The following MGAT4C variants were observed in gnomAD, a reference collection of about 807,000 sequenced individuals.
MGAT4C encodes the protein alpha-1,3-mannosyl-glycoprotein 4-beta-N-acetylglucosaminyltransferase C.
In MGAT4C, 19 loss-of-function variants were observed where a neutral mutation model predicts 40.1. That is an observed-to-expected ratio of 0.47 (90% CI 0.33 to 0.70). The LOEUF is 0.70. MGAT4C is among the 30% of genes least tolerant of loss of function. The probability of loss-of-function intolerance (pLI) is 0.02; values close to 1 mark genes in which losing one functional copy is unlikely to be tolerated. For missense variants in MGAT4C, 491 were observed against 563.2 expected, an observed-to-expected ratio of 0.87 and a Z score of 1.30; for synonymous variants, 181 against 187.1, an observed-to-expected ratio of 0.97 and a Z score of 0.27.
chr12:86,644,867 A>G (rs1169855235), intron 2 of MGAT4C, among the ~76,000 whole-genome samples: 1 of 151,760 alleles, frequency 6.6e-6, no homozygotes, highest in African/African-American at 2.4e-5. Flanking sequence ...TAGGAAGACA[A>G]GAGCATTTAT....
Position 85,979,325 on chromosome 12 carries a change from C to T in MGAT4C, c.1401G>A (p.Trp467Ter). 6.2e-7 allele frequency: 1 copy of T among 1,607,396 alleles called. No individual in the cohort carries two copies. Among genetic ancestry groups the T allele is most frequent in the Admixed American group, 1.7e-5 (1 of 59,446 alleles). ...AAATGCTAATACTCCTAATAATTAG[C>T]CATTCCTTTTGTGTTTTGGTGACAT... is the stretch of plus-strand genomic sequence containing the variant. Reference protein sequence around the residue: ...RIYVTKTQKEWLIIRSISIWT... With the variant: ...RIYVTKTQKE Residue 467 changes from tryptophan to a stop codon, truncating the protein, a stop_gained, in exon 5 of 5, where the codon TGG becomes TGA. Transcript: ENST00000611864. LOFTEE classifies it high-confidence loss of function.
Position 85,979,684 on chromosome 12 carries a change from T to G in MGAT4C, c.1042A>C (p.Asn348His). The G allele has an allele frequency of 8.1e-6, 13 of 1,613,448 alleles. No homozygotes were observed. The highest frequency in any genetic ancestry group is 1.0e-5 in the Non-Finnish European group (12 of 1,179,800). Residue 348 changes from asparagine (N) to histidine (H), a missense_variant, in exon 5 of 5, where the codon AAC becomes CAC. Coordinates refer to ENST00000611864, the MANE Select transcript of MGAT4C (RefSeq NM_001351288.2). Reference sequence around the variant, plus strand: ...TCATAATTTTCAAACACATTCATGTTGGTGTACAGACTTGCAGGGGGGTTA... The same window carrying G: ...TCATAATTTTCAAACACATTCATGTGGGTGTACAGACTTGCAGGGGGGTTA... Reference protein sequence around the residue: ...PDNPPASLYTNMNVFENYEAS... With the variant: ...PDNPPASLYTHMNVFENYEAS...
At chr12:86,206,371 C>T (rs981224898) in intron 1 of MGAT4C, among the ~76,000 whole-genome samples, 7 of 152,086 alleles carry the variant, frequency 4.6e-5, no homozygotes, top group Admixed American at 2.6e-4. Context: ...CATTTTTGAA[C>T]CAAAGTTTGT....
At chr12:86,285,675 T>C (rs1054217412) in intron 4 of MGAT4C, among the ~76,000 whole-genome samples, 1 of 72,840 alleles carries the variant, frequency 1.4e-5, no homozygotes, top group Non-Finnish European at 2.7e-5. Flanking sequence ...CTCAAAAGTC[T>C]CAAAAATATA....
At chr12:86,829,764 T>C (rs1346545403) in intron 1 of MGAT4C, among the ~76,000 whole-genome samples, 3 of 151,012 alleles carry the variant, frequency 2.0e-5, no homozygotes, top group Non-Finnish European at 4.4e-5. Context: ...CATTTTCTTT[T>C]CTGACTTGTC....
chr12:86,583,127 A>G (rs542406381), intron 2 of MGAT4C, among the ~76,000 whole-genome samples: 7 of 151,214 alleles, frequency 4.6e-5, no homozygotes, highest in Non-Finnish European at 7.4e-5. Context: ...AAATCAGAAT[A>G]TTTTCTCTGA....
At chr12:86,738,881 A>AT (rs953143479) in intron 1 of MGAT4C, among the ~76,000 whole-genome samples, 5 of 150,882 alleles carry the variant, frequency 3.3e-5, no homozygotes, top group Admixed American at 6.6e-5. Context: ...GCCCGTTTAT[A>AT]TTTTTTTATG....
At chr12:86,453,364 C>A (rs1381263768) in intron 2 of MGAT4C, among the ~76,000 whole-genome samples, 2 of 152,070 alleles carry the variant, frequency 1.3e-5, no homozygotes, top group African/African-American at 2.4e-5. Flanking sequence ...AACCATATTT[C>A]TATAAATATT....
intron 1 of MGAT4C, among the ~76,000 whole-genome samples, chr12:86,837,132 C>CA (rs1354984764): frequency 6.6e-6 from 1 of 152,050 alleles, no homozygotes; most frequent in Admixed American, 6.6e-5. Context: ...GGAGCAATCT[C>CA]ACTTTTTTAA....
intron 2 of MGAT4C, among the ~76,000 whole-genome samples, chr12:86,680,094 T>C (rs994331482): frequency 4.6e-5 from 7 of 152,112 alleles, no homozygotes; most frequent in Admixed American, 3.9e-4. Context: ...TCCTAAAACA[T>C]AGTCTCCAAT....
At chr12:86,224,867 TACA>T (rs1165284767) in intron 1 of MGAT4C, among the ~76,000 whole-genome samples, 4 of 151,966 alleles carry the variant, frequency 2.6e-5, no homozygotes, top group Admixed American at 6.6e-5. Context: ...TCTAACTTTG[TACA>T]TTAAGGAACT....
chr12:86,710,499 C>T (rs548390922), intron 2 of MGAT4C, among the ~76,000 whole-genome samples: 15 of 152,112 alleles, frequency 9.9e-5, no homozygotes, highest in Non-Finnish European at 1.8e-4. Flanking sequence ...TTAATTATGG[C>T]CATTCTTCAA....
At chr12:86,164,099 G>C (rs1885917048) in intron 1 of MGAT4C, among the ~76,000 whole-genome samples, 1 of 152,120 alleles carries the variant, frequency 6.6e-6, no homozygotes, top group Non-Finnish European at 1.5e-5. Context: ...ATATAAGAAT[G>C]TCAGATGCCT....
chr12:86,319,293 G>A lies in MGAT4C; in HGVS notation c.-57+14772C>T, dbSNP rs750677844. On this transcript the variant is annotated intron_variant, in intron 4 of 7. Transcript: ENST00000548651. ...TCTAAAGATTTAACACATTTAGCACGAAATATAAGGCTCTTCATGATGTGA... is the reference window on the plus strand; with the variant it reads ...TCTAAAGATTTAACACATTTAGCACAAAATATAAGGCTCTTCATGATGTGA... 3.3e-5 allele frequency among the ~76,000 whole-genome samples: 5 copies of A among 152,050 alleles called. No homozygotes were observed. The South Asian group carries it at 6.2e-4, about 19-fold the overall frequency.
intron 4 of MGAT4C, among the ~76,000 whole-genome samples, chr12:86,305,971 T>C (rs1006409284): frequency 1.3e-5 from 2 of 150,588 alleles, no homozygotes; most frequent in African/African-American, 5.0e-5. Context: ...GAAATTGTTT[T>C]ACTTTCAGAT....
At chr12:86,383,339 G>A (rs1955983558) in intron 3 of MGAT4C, among the ~76,000 whole-genome samples, 1 of 151,972 alleles carries the variant, frequency 6.6e-6, no homozygotes, top group South Asian at 2.1e-4. Flanking sequence ...ATCACCTGAG[G>A]TCAAGAGATC....
intron 4 of MGAT4C, among the ~76,000 whole-genome samples, chr12:86,307,812 C>A (rs1953976514): frequency 3.3e-5 from 5 of 150,184 alleles, no homozygotes; most frequent in Admixed American, 3.3e-4. Context: ...ACGCCATTCT[C>A]CTGCCTCAGC....
rs1883028389 is a variant in MGAT4C at position 85,960,045 on chromosome 12, A to G, written c.*19244T>C. The G allele has an allele frequency of 6.6e-6, 1 of 151,962 alleles. No homozygotes were observed. 9.4% of individuals were successfully genotyped at this position (151,962 alleles called of 1,614,324 possible). On this transcript the variant is annotated 3_prime_UTR_variant, in exon 5 of 5. Transcript: ENST00000611864. ...AAAATGCAATTCGGTATTAAAGAAA[A>G]TTGTTGCACGGACTACATTGATTAG...
intron 3 of MGAT4C, among the ~76,000 whole-genome samples, chr12:86,342,848 A>G (rs1052979627): frequency 2.4e-4 from 37 of 152,308 alleles, no homozygotes; most frequent in African/African-American, 8.2e-4. Flanking sequence ...TCAGTGAATG[A>G]TTCATAGGAA....
Sources: allele counts gnomAD v4.1 joint callset (sites outside exome capture counted in the v4.1 genomes callset), GRCh38; gene constraint gnomAD v4.1.1; transcripts MANE v1.5; gene names NCBI Gene and HGNC (gene_info 2026-07-23, HGNC 2026-07-21).